The following SLC25A37 variants were observed in gnomAD, a reference collection of about 807,000 sequenced individuals.
SLC25A37 encodes the protein solute carrier family 25 member 37.
In SLC25A37, 17 loss-of-function variants were observed where a neutral mutation model predicts 31.0. That is an observed-to-expected ratio of 0.55 (90% CI 0.38 to 0.82). SLC25A37 has a LOEUF of 0.82. Ranked by LOEUF, SLC25A37 falls within the 40% of genes least tolerant of loss-of-function variation. The pLI is 0.00. For missense variants in SLC25A37, 404 were observed against 465.8 expected (o/e 0.87, Z 1.22); for synonymous variants, 222 against 193.0 (o/e 1.15, Z -1.24).
At chr8:23,538,780 C>T (rs1036025642) in intron 1 of SLC25A37, among the ~76,000 whole-genome samples, 5 of 152,160 alleles carry the variant, frequency 3.3e-5, no homozygotes, top group Admixed American at 6.5e-5. Context: ...AGACAAGAGT[C>T]GCCTGTCTTG....
Position 23,571,918 on chromosome 8 carries a change from C to T in SLC25A37, c.*63C>T. ...CTGCCTGCATCCAGCCCCTTGCCCT[C>T]TCCTCACACGTAGATCATTTTTTTT... On this transcript the variant is annotated 3_prime_UTR_variant, in exon 4 of 4. Coordinates refer to ENST00000519973, the MANE Select transcript of SLC25A37 (RefSeq NM_016612.4). 6.4e-7 allele frequency: 1 copy of T among 1,551,030 alleles called. No individual in the cohort carries two copies. Among genetic ancestry groups the T allele is most frequent in the Non-Finnish European group, 8.7e-7 (1 of 1,144,312 alleles).
At chr8:23,530,430 T>C (rs1372976937) in intron 1 of SLC25A37, among the ~76,000 whole-genome samples, 1 of 152,236 alleles carries the variant, frequency 6.6e-6, no homozygotes, top group Non-Finnish European at 1.5e-5. Flanking sequence ...CAGAGGGTTT[T>C]CCCGGCTCCG....
intron 1 of SLC25A37, among the ~76,000 whole-genome samples, chr8:23,557,949 G>A (rs1381936110): frequency 6.6e-6 from 1 of 152,182 alleles, no homozygotes; most frequent in African/African-American, 2.4e-5. Flanking sequence ...AGACGGTGCG[G>A]AGCAGCCTCT....
At chr8:23,545,793 G>A (rs1563255168) in intron 1 of SLC25A37, among the ~76,000 whole-genome samples, 1 of 152,116 alleles carries the variant, frequency 6.6e-6, no homozygotes, top group Non-Finnish European at 1.5e-5. Context: ...GCGGACAGCA[G>A]TTCGAGACCA....
intron 1 of SLC25A37, among the ~76,000 whole-genome samples, chr8:23,546,930 T>C (rs761274112): frequency 7.2e-4 from 110 of 152,170 alleles, no homozygotes; most frequent in Non-Finnish European, 1.0e-3. Flanking sequence ...GGTGGCAGGT[T>C]CCGTTTATCC....
At chr8:23,538,504 C>A (rs1199654402) in intron 1 of SLC25A37, among the ~76,000 whole-genome samples, 1 of 146,968 alleles carries the variant, frequency 6.8e-6, no homozygotes, top group Non-Finnish European at 1.5e-5. Context: ...AGAAGACTTT[C>A]TTGGCTCCGT....
intron 1 of SLC25A37, among the ~76,000 whole-genome samples, chr8:23,532,343 T>C (rs1801677733): frequency 6.6e-6 from 1 of 152,094 alleles, no homozygotes; most frequent in Non-Finnish European, 1.5e-5. Context: ...TCTCACCAAA[T>C]GGTGGCAATG....
At chr8:23,557,801 A>C (rs1802407990) in intron 1 of SLC25A37, among the ~76,000 whole-genome samples, 1 of 152,220 alleles carries the variant, frequency 6.6e-6, no homozygotes, top group Non-Finnish European at 1.5e-5. Flanking sequence ...GGGACAGTTG[A>C]CAGACAAGAG....
chr8:23,550,965 A>AAGG (rs1802208263), intron 1 of SLC25A37, among the ~76,000 whole-genome samples: 1 of 152,174 alleles, frequency 6.6e-6, no homozygotes, highest in African/African-American at 2.4e-5. Flanking sequence ...GTCTCCCTAT[A>AAGG]GTTCAGAGGC....
At position 23,557,102 on chromosome 8, in the gene SLC25A37, C is replaced by T. The variant is rs542946908; in HGVS notation, c.211-9006C>T. ...CTGACCTCAGGTAATCTGCCCGCCTCGGCCTCCCAAAGTGCTGGGATTACA... is the reference window on the plus strand; with the variant it reads ...CTGACCTCAGGTAATCTGCCCGCCTTGGCCTCCCAAAGTGCTGGGATTACA... On this transcript the variant is annotated intron_variant, in intron 1 of 3. Transcript: ENST00000519973. 2.4e-4 allele frequency among the ~76,000 whole-genome samples: 37 copies of T among 152,106 alleles called. 1 individual carries two copies. Among genetic ancestry groups the T allele is most frequent in the Non-Finnish European group, 4.0e-4 (27 of 67,964 alleles).
At chr8:23,539,812 G>A (rs149352896) in intron 1 of SLC25A37, among the ~76,000 whole-genome samples, 3 of 152,224 alleles carry the variant, frequency 2.0e-5, no homozygotes, top group African/African-American at 7.2e-5. Flanking sequence ...AGCTGTTTAG[G>A]TTAACAGCAC....
intron 1 of SLC25A37, among the ~76,000 whole-genome samples, chr8:23,534,108 C>T (rs1467802167): frequency 1.3e-5 from 2 of 152,140 alleles, no homozygotes; most frequent in African/African-American, 4.8e-5. Context: ...GCCACCATGC[C>T]TGGCTAATTT....
At chr8:23,555,735 A>G (rs971241152) in intron 1 of SLC25A37, among the ~76,000 whole-genome samples, 1 of 152,194 alleles carries the variant, frequency 6.6e-6, no homozygotes, top group African/African-American at 2.4e-5. Flanking sequence ...CAGAAGGACA[A>G]ACGTGACCCT....
At chr8:23,554,990 G>A (rs1198387566) in intron 1 of SLC25A37, among the ~76,000 whole-genome samples, 1 of 152,134 alleles carries the variant, frequency 6.6e-6, no homozygotes, top group African/African-American at 2.4e-5. Flanking sequence ...ACTCCAGCAA[G>A]GTATTCAGGG....
At chr8:23,557,715 C>A (rs1161933448) in intron 1 of SLC25A37, among the ~76,000 whole-genome samples, 1 of 152,128 alleles carries the variant, frequency 6.6e-6, no homozygotes, top group African/African-American at 2.4e-5. Context: ...CAGGGTGAGG[C>A]TTGGAAAACA....
intron 1 of SLC25A37, chr8:23,531,540 G>T (rs1377588529): frequency 1.3e-5 from 2 of 152,174 alleles, no homozygotes; most frequent in South Asian, 2.1e-4. Flanking sequence ...AATATCAAAA[G>T]AATTATTACA....
intron 1 of SLC25A37, among the ~76,000 whole-genome samples, chr8:23,531,458 T>G (rs1801659292): frequency 6.6e-6 from 1 of 152,230 alleles, no homozygotes. Context: ...GCTCAGTCCC[T>G]CTCCACATTT....
At chr8:23,549,137 G>T (rs566939069) in intron 1 of SLC25A37, among the ~76,000 whole-genome samples, 1 of 152,224 alleles carries the variant, frequency 6.6e-6, no homozygotes, top group South Asian at 2.1e-4. Context: ...CTCCTTGAAG[G>T]CAAAGACGAC....
intron 1 of SLC25A37, among the ~76,000 whole-genome samples, chr8:23,542,461 C>G (rs1390651471): frequency 6.8e-6 from 1 of 146,868 alleles, no homozygotes; most frequent in African/African-American, 2.6e-5. Context: ...TTACTGCAAC[C>G]TCCACCTCCT....
Sources: allele counts gnomAD v4.1 joint callset (sites outside exome capture counted in the v4.1 genomes callset), GRCh38; gene constraint gnomAD v4.1.1; transcripts MANE v1.5; gene names NCBI Gene and HGNC (gene_info 2026-07-23, HGNC 2026-07-21).